ETFA: variants seen among roughly 807,000 people sequenced by gnomAD.
ETFA encodes electron transfer flavoprotein subunit alpha, mitochondrial.
A neutral mutation model predicts 46.2 loss-of-function variants in ETFA; 22 were observed. The observed-to-expected ratio is 0.48, with a 90% CI of 0.34 to 0.68. ETFA has a LOEUF of 0.68. Among genes scored for constraint, ETFA ranks in the 30% least tolerant of loss-of-function variants. The pLI, the probability that ETFA is intolerant of heterozygous loss-of-function variation, is 0.01. For missense variants in ETFA, 345 were observed against 401.1 expected, an observed-to-expected ratio of 0.86 and a Z score of 1.19; for synonymous variants, 131 against 139.9, an observed-to-expected ratio of 0.94 and a Z score of 0.45.
intron 7 of ETFA, among the ~76,000 whole-genome samples, chr15:76,285,390 G>A (rs914955179): frequency 1.3e-5 from 2 of 152,154 alleles, no homozygotes; most frequent in African/African-American, 2.4e-5. Flanking sequence ...AAGTGGCAAA[G>A]TTATGCAGAT....
intron 9 of ETFA, among the ~76,000 whole-genome samples, chr15:76,235,103 C>G (rs1478813439): frequency 2.0e-5 from 3 of 152,232 alleles, no homozygotes; most frequent in Non-Finnish European, 4.4e-5. Context: ...TGTAACCTCT[C>G]TATGCCTCAG....
chr15:76,287,743 T>G, intron 5 of ETFA, 103 bp downstream of exon 5: 1 of 909,352 alleles, frequency 1.1e-6, no homozygotes, highest in Non-Finnish European at 1.7e-6. Flanking sequence ...ATGGTCCACT[T>G]AAAGCAATTG....
rs2039328058 is a variant in ETFA at position 76,254,180 on chromosome 15, G to A, written c.816+20232C>T. Among the ~76,000 whole-genome samples the A allele has an allele frequency of 2.0e-5, 3 of 152,288 alleles. No homozygotes were observed. The South Asian group carries it at 6.2e-4, about 32-fold the overall frequency. ...AGAAACCTGCAGTCTTTTTGGTTGA[G>A]GAAACACACAAAAGACAGTATTCGT... On this transcript the variant is annotated intron_variant, in intron 9 of 11. Coordinates refer to ENST00000557943, the MANE Select transcript of ETFA (RefSeq NM_000126.4).
intron 5 of ETFA, among the ~76,000 whole-genome samples, chr15:76,287,055 G>T (rs2039710926): frequency 6.6e-6 from 1 of 152,154 alleles, no homozygotes; most frequent in African/African-American, 2.4e-5. Context: ...CATTCATACT[G>T]GAATACACAA....
intron 2 of ETFA, among the ~76,000 whole-genome samples, chr15:76,294,930 A>T (rs1206127918): frequency 6.6e-6 from 1 of 152,122 alleles, no homozygotes; most frequent in Admixed American, 6.5e-5. Flanking sequence ...TAAGCCCCCA[A>T]CTACACACTC....
intron 9 of ETFA, among the ~76,000 whole-genome samples, chr15:76,272,210 ATTTC>A (rs1450327685): frequency 6.3e-4 from 94 of 149,418 alleles, no homozygotes; most frequent in African/African-American, 2.1e-3. Flanking sequence ...ATATCTCTGA[ATTTC>A]TTTCTTTCTT....
chr15:76,300,557 C>T lies in ETFA; in HGVS notation c.40-4820G>A, dbSNP rs116555208. On this transcript the variant is annotated intron_variant, in intron 1 of 11. Coordinates refer to ENST00000557943, the MANE Select transcript of ETFA (RefSeq NM_000126.4). ...CTTCTCCTCTATTACCCCACAGAGT[C>T]TCCCAACCCAGCTTGTTTCTAACCT... Among the ~76,000 whole-genome samples the T allele has an allele frequency of 5.1e-3, 774 of 152,318 alleles. 8 individuals are homozygous for T. Among genetic ancestry groups the T allele is most frequent in the African/African-American group, 0.018 (746 of 41,570 alleles).
chr15:76,280,032 G>A (rs949407382), intron 8 of ETFA, among the ~76,000 whole-genome samples: 1 of 151,934 alleles, frequency 6.6e-6, no homozygotes, highest in Admixed American at 6.6e-5. Flanking sequence ...CAGAGTAGCA[G>A]GGACTACAGG....
intron 1 of ETFA, among the ~76,000 whole-genome samples, chr15:76,304,653 C>T (rs1217579144): frequency 1.4e-5 from 2 of 139,656 alleles, no homozygotes; most frequent in Non-Finnish European, 3.1e-5. Flanking sequence ...GAGAGTAAGA[C>T]TCTATTTCAA....
chr15:76,231,928 A>C (rs1456202254), intron 9 of ETFA, among the ~76,000 whole-genome samples: 1 of 152,190 alleles, frequency 6.6e-6, no homozygotes, highest in South Asian at 2.1e-4. Context: ...GGATATGTTT[A>C]TTAAACTTTG....
chr15:76,279,104 T>C (rs537684192), intron 8 of ETFA, among the ~76,000 whole-genome samples: 1 of 152,298 alleles, frequency 6.6e-6, no homozygotes, highest in East Asian at 1.9e-4. Context: ...CTTCCCTATA[T>C]AGCAAAATCC....
intron 9 of ETFA, among the ~76,000 whole-genome samples, chr15:76,256,195 T>C (rs1272669449): frequency 6.7e-6 from 1 of 149,116 alleles, no homozygotes; most frequent in African/African-American, 2.5e-5. Flanking sequence ...GAGGTGGAGG[T>C]TGCAGTGAGC....
Position 76,241,134 on chromosome 15 carries a change from CTA to C in ETFA, c.817-9738_817-9737del, listed in dbSNP as rs574705908. On this transcript the variant is annotated intron_variant, in intron 9 of 11. Transcript: ENST00000557943. ...TTAATTTACATTGAAATATTTGTGTCTATGATATCAAAATACTTGAACATGTA... is the reference window on the plus strand; with the variant it reads ...TTAATTTACATTGAAATATTTGTGTCTGATATCAAAATACTTGAACATGTA... Among the ~76,000 whole-genome samples, 25 of 152,148 alleles carry C rather than the reference CTA, an allele frequency of 1.6e-4. No homozygotes were observed. The South Asian group carries it at 5.2e-3, about 32-fold the overall frequency.
At chr15:76,310,015 T>G (rs1485459127) in intron 1 of ETFA, 1 of 142,978 alleles carries the variant, frequency 7.0e-6, no homozygotes, top group African/African-American at 2.8e-5. Context: ...GTGGATCACT[T>G]GAGGACAAGA....
intron 1 of ETFA, among the ~76,000 whole-genome samples, chr15:76,302,797 T>C (rs964202779): frequency 2.7e-4 from 41 of 152,170 alleles, no homozygotes; most frequent in African/African-American, 9.2e-4. Flanking sequence ...GTACTTTCCA[T>C]TGGATTTTGC....
intron 11 of ETFA, among the ~76,000 whole-genome samples, chr15:76,225,192 C>T (rs1441083057): frequency 6.6e-6 from 1 of 152,158 alleles, no homozygotes; most frequent in Non-Finnish European, 1.5e-5. Context: ...TTTAGGGTAC[C>T]TGCCAAATAT....
intron 11 of ETFA, among the ~76,000 whole-genome samples, chr15:76,217,352 GTTCA>G (rs1267733680): frequency 2.0e-5 from 3 of 152,016 alleles, no homozygotes; most frequent in East Asian, 1.9e-4. Flanking sequence ...CTCACTGTTC[GTTCA>G]TTCATTCATT....
chr15:76,281,807 C>T (rs1007687345), intron 8 of ETFA, among the ~76,000 whole-genome samples: 19 of 151,496 alleles, frequency 1.3e-4, no homozygotes, highest in South Asian at 4.2e-4. Context: ...ATATTACCTA[C>T]GTGGCAGCAG....
intron 9 of ETFA, chr15:76,259,872 C>T: frequency 7.5e-7 from 1 of 1,328,238 alleles, no homozygotes; most frequent in Non-Finnish European, 1.1e-6. Flanking sequence ...GCGTGCAGGT[C>T]CCCATGCTTC....
Sources: gnomAD v4.1 joint callset for allele counts (sites outside exome capture counted in the v4.1 genomes callset) on GRCh38, gnomAD v4.1.1 for gene constraint, MANE v1.5 for transcripts, NCBI Gene and HGNC (gene_info 2026-07-23, HGNC 2026-07-21) for gene names.